Variants in DPP6 observed in about 807,000 individuals in gnomAD.
DPP6 encodes the protein A-type potassium channel modulatory protein DPP6.
DPP6 carries 69 observed loss-of-function variants against 122.6 expected under a neutral mutation model. The observed-to-expected ratio is 0.56, with a 90% CI of 0.46 to 0.69. The LOEUF is 0.69. Among genes scored for constraint, DPP6 ranks in the 30% least tolerant of loss-of-function variants. DPP6 has a pLI of 0.00. For missense variants in DPP6, 928 were observed against 1,116.9 expected (o/e 0.83, Z 2.41); for synonymous variants, 418 against 433.1 (o/e 0.97, Z 0.43).
At chr7:154,300,521 G>A (rs1345971643) in intron 1 of DPP6, among the ~76,000 whole-genome samples, 3 of 152,216 alleles carry the variant, frequency 2.0e-5, no homozygotes, top group Non-Finnish European at 2.9e-5. Context: ...TTTCTTAGCA[G>A]AAGCTGGAGT....
intron 5 of DPP6, among the ~76,000 whole-genome samples, chr7:154,586,558 C>T (rs1426760453): frequency 6.6e-6 from 1 of 152,130 alleles, no homozygotes; most frequent in Non-Finnish European, 1.5e-5. Flanking sequence ...AGCTGTGCTG[C>T]CCAGGCTGTC....
At chr7:153,984,567 A>AT (rs1796749442) in intron 1 of DPP6, among the ~76,000 whole-genome samples, 1 of 152,140 alleles carries the variant, frequency 6.6e-6, no homozygotes. Context: ...TTTTTATTGC[A>AT]TAAAAAATGA....
At chr7:154,262,727 T>G (rs561396723) in intron 1 of DPP6, among the ~76,000 whole-genome samples, 1 of 152,294 alleles carries the variant, frequency 6.6e-6, no homozygotes, top group East Asian at 1.9e-4. Flanking sequence ...GCAAATCATT[T>G]TGTTGGGGAT....
intron 1 of DPP6, among the ~76,000 whole-genome samples, chr7:153,970,618 T>A (rs1436268926): frequency 6.6e-6 from 1 of 152,222 alleles, no homozygotes; most frequent in Non-Finnish European, 1.5e-5. Context: ...AATTTTGTAG[T>A]TTTAATTTGC....
chr7:154,576,779 C>T (rs889210220), intron 5 of DPP6, among the ~76,000 whole-genome samples: 17 of 152,114 alleles, frequency 1.1e-4, no homozygotes, highest in Non-Finnish European at 2.1e-4. Flanking sequence ...ACGACCTGCA[C>T]GGAGACCCTG....
intron 14 of DPP6, among the ~76,000 whole-genome samples, 153 bp downstream of exon 14, chr7:154,804,108 G>T (rs1344662427): frequency 6.6e-6 from 1 of 152,212 alleles, no homozygotes; most frequent in African/African-American, 2.4e-5. Flanking sequence ...TCATGAAAAT[G>T]TATAGTAGAT....
At position 154,182,612 on chromosome 7, in the gene DPP6, C is replaced by T. The variant is rs538821016; in HGVS notation, c.243+129549C>T. 5.6e-4 allele frequency among the ~76,000 whole-genome samples: 85 copies of T among 152,168 alleles called. 1 individual carries two copies. The South Asian group carries it at 0.016, about 28-fold the overall frequency. On this transcript the variant is annotated intron_variant, in intron 1 of 25. Transcript: ENST00000377770. ...GCCAGCACTGCTCACACACAGATGTCAAGAGATGATTTTCACTGGACAGAA... is the reference window on the plus strand; with the variant it reads ...GCCAGCACTGCTCACACACAGATGTTAAGAGATGATTTTCACTGGACAGAA...
chr7:154,281,780 A>G (rs1430579996), intron 1 of DPP6, among the ~76,000 whole-genome samples: 1 of 152,228 alleles, frequency 6.6e-6, no homozygotes. Flanking sequence ...GAATTGATTT[A>G]TACCAGTAGC....
At chr7:154,786,954 C>T (rs967706073) in intron 10 of DPP6, among the ~76,000 whole-genome samples, 9 of 152,184 alleles carry the variant, frequency 5.9e-5, no homozygotes, top group Non-Finnish European at 8.8e-5. Flanking sequence ...GCTGTGCCCT[C>T]CAGCCTGACT....
chr7:154,864,832 G>A (rs973450452), intron 17 of DPP6, among the ~76,000 whole-genome samples: 9 of 152,220 alleles, frequency 5.9e-5, no homozygotes, highest in Admixed American at 1.3e-4. Context: ...AACATGGTGC[G>A]TTCCCACATG....
At position 154,889,550 on chromosome 7, in the gene DPP6, C is replaced by T. The variant is rs760781043; in HGVS notation, c.2451+20C>T. 1.3e-6 allele frequency: 2 copies of T among 1,594,508 alleles called. No homozygotes were observed. The highest frequency in any genetic ancestry group is 1.7e-5 in the Admixed American group (1 of 57,432). On this transcript the variant is annotated intron_variant, in intron 25 of 25. Coordinates refer to ENST00000377770, the MANE Select transcript of DPP6 (RefSeq NM_130797.4). ...TTACAGGTACAGTACGCATGTTACTCTGTTTTGAACCTGGAGCAAGACATT... is the reference window on the plus strand; with the variant it reads ...TTACAGGTACAGTACGCATGTTACTTTGTTTTGAACCTGGAGCAAGACATT...
In DPP6 at chr7:154,833,720, A is replaced by G. The variant is rs1465114432; in HGVS notation, c.1667-20060A>G. ...CCGATGCCTGGCAACATAAATTCAC[A>G]TAGCCACCAGTTAATAGCAGCTGAT... On this transcript the variant is annotated intron_variant, in intron 16 of 25. Transcript: ENST00000377770. This position sits in a 1 kb window ranked among gnomAD's most constrained non-coding sequence, Gnocchi z 4.3. 2.0e-5 allele frequency among the ~76,000 whole-genome samples: 3 copies of G among 152,232 alleles called. No homozygotes were observed. Among genetic ancestry groups the G allele is most frequent in the Non-Finnish European group, 4.4e-5 (3 of 68,046 alleles).
chr7:154,669,660 A>G (rs1010808256), intron 7 of DPP6, among the ~76,000 whole-genome samples: 2 of 152,136 alleles, frequency 1.3e-5, no homozygotes, highest in Admixed American at 6.5e-5. Context: ...TTGGAACAGC[A>G]TGTGCTTGGT....
intron 1 of DPP6, among the ~76,000 whole-genome samples, chr7:154,046,405 G>T (rs1328949431): frequency 2.0e-5 from 3 of 152,210 alleles, no homozygotes; most frequent in African/African-American, 7.2e-5. Context: ...CCTGCAGGGG[G>T]CATGGGGTGG....
At chr7:154,703,779 T>G (rs1586921508) in intron 7 of DPP6, among the ~76,000 whole-genome samples, 2 of 151,192 alleles carry the variant, frequency 1.3e-5, no homozygotes, top group Non-Finnish European at 2.9e-5. Context: ...TACTAAAAAA[T>G]ACAAAAAATT....
intron 3 of DPP6, among the ~76,000 whole-genome samples, chr7:154,480,868 G>A (rs1823208872): frequency 6.6e-6 from 1 of 152,256 alleles, no homozygotes; most frequent in African/African-American, 2.4e-5. Flanking sequence ...GGAAAAATTT[G>A]TAGAACAAGC....
chr7:154,481,563 TTTACTCTCCTGACTCA>T lies in DPP6; in HGVS notation c.457+6528_457+6543del, dbSNP rs1823306688. On this transcript the variant is annotated intron_variant, in intron 3 of 25. Coordinates refer to ENST00000377770, the MANE Select transcript of DPP6 (RefSeq NM_130797.4). This position sits in a 1 kb window ranked among gnomAD's most constrained non-coding sequence, Gnocchi z 4.2. Reference sequence around the variant, plus strand: ...CATGTCTCAGACTCTACATGATCTGTTTACTCTCCTGACTCATCATTGGCCATCTCCCCAGTTTTCT... The same window carrying T: ...CATGTCTCAGACTCTACATGATCTGTTCATTGGCCATCTCCCCAGTTTTCT... 6.7e-6 allele frequency among the ~76,000 whole-genome samples: 1 copy of T among 149,480 alleles called. No homozygotes were observed. Among genetic ancestry groups the T allele is most frequent in the Non-Finnish European group, 1.5e-5 (1 of 67,402 alleles).
rs572620798 is a variant in DPP6, at chr7:154,042,641, G to A, written c.51+154907G>A. 8.5e-5 allele frequency among the ~76,000 whole-genome samples: 13 copies of A among 152,338 alleles called. No individual in the cohort carries two copies. In the South Asian group the frequency reaches 2.3e-3, roughly 27 times the overall value. Reference sequence around the variant, plus strand: ...AATGATAAGGTGACATTATCCCTGAGCTAAAAGTCACCGAATCTGTGACAA... The same window carrying A: ...AATGATAAGGTGACATTATCCCTGAACTAAAAGTCACCGAATCTGTGACAA... On this transcript the variant is annotated intron_variant, in intron 1 of 25. Transcript: ENST00000404039.
intron 1 of DPP6, among the ~76,000 whole-genome samples, chr7:153,923,691 G>A (rs1037809806): frequency 6.9e-6 from 1 of 144,426 alleles, no homozygotes; most frequent in African/African-American, 2.6e-5. Context: ...AACCCAGGAG[G>A]CACAGCTTGC....
Sources: allele counts gnomAD v4.1 joint callset (sites outside exome capture counted in the v4.1 genomes callset), GRCh38; gene constraint gnomAD v4.1.1; non-coding constraint Gnocchi (gnomAD v3.1); transcripts MANE v1.5; gene names NCBI Gene and HGNC (gene_info 2026-07-23, HGNC 2026-07-21).